Variants in ABCC12 observed in about 807,000 individuals in gnomAD.
ABCC12 encodes the protein ATP binding cassette subfamily C member 12, also known as ATP-binding cassette sub-family C member 12.
ABCC12 carries 142 observed loss-of-function variants against 151.1 expected under a neutral mutation model. The ratio of observed to expected loss-of-function variants is 0.94; its 90% CI spans 0.82 to 1.08. The LOEUF is 1.08. Among genes scored for constraint, ABCC12 ranks in the 50% least tolerant of loss-of-function variants. The probability of loss-of-function intolerance (pLI) is 0.00; values close to 1 mark genes in which losing one functional copy is unlikely to be tolerated. For missense variants in ABCC12, 1,638 were observed against 1,691.1 expected (o/e 0.97, Z 0.55); for synonymous variants, 645 against 646.4 (o/e 1.00, Z 0.03).
intron 15 of ABCC12, among the ~76,000 whole-genome samples, chr16:48,113,253 G>T (rs1277658614): frequency 6.6e-6 from 1 of 152,162 alleles, no homozygotes; most frequent in Admixed American, 6.5e-5. Flanking sequence ...TAACAGCTTG[G>T]ACAGCTCCAG....
Position 48,088,661 on chromosome 16 carries a change from A to C in ABCC12, c.3359T>G (p.Ile1120Ser). ...TCTCATCTGATAGTCTCTGAAGGTG[A>C]TCTCCCCACGGCTGGGCCAGTCCTT... ...CPKDWPSRGEITFRDYQMRYR... is the reference protein window; with the variant it reads ...CPKDWPSRGESTFRDYQMRYR... The change falls in exon 26 of 31, where the codon ATC (isoleucine) becomes AGC (serine). Residue 1120 changes from isoleucine to serine, a missense_variant. Coordinates refer to ENST00000311303, the MANE Select transcript of ABCC12 (RefSeq NM_001393797.1). The C allele has an allele frequency of 6.2e-7, 1 of 1,614,150 alleles. No individual in the cohort carries two copies. Among genetic ancestry groups the C allele is most frequent in the Non-Finnish European group, 8.5e-7 (1 of 1,180,020 alleles).
intron 4 of ABCC12, among the ~76,000 whole-genome samples, chr16:48,143,559 C>T (rs753169723): frequency 8.5e-5 from 13 of 152,314 alleles, no homozygotes; most frequent in Non-Finnish European, 1.5e-4. Context: ...CCACCCAAAT[C>T]TCATCTTGAA....
chr16:48,120,658 CA>C (rs1186443583), intron 13 of ABCC12, among the ~76,000 whole-genome samples: 2 of 151,480 alleles, frequency 1.3e-5, no homozygotes, highest in African/African-American at 4.9e-5. Flanking sequence ...CGGGTTCAAG[CA>C]ATTCTCCTGC....
chr16:48,137,629 A>G (rs897780759), intron 8 of ABCC12, among the ~76,000 whole-genome samples: 4 of 152,210 alleles, frequency 2.6e-5, no homozygotes, highest in Non-Finnish European at 4.4e-5. Flanking sequence ...CAGACAGTCA[A>G]TTGTAACAGT....
chr16:48,118,979 TG>T (rs1157145352), intron 13 of ABCC12, among the ~76,000 whole-genome samples: 1 of 152,190 alleles, frequency 6.6e-6, no homozygotes, highest in Non-Finnish European at 1.5e-5. Context: ...TCTCCATCAG[TG>T]GGGGCTATAA....
Position 48,140,788 on chromosome 16 carries a change from T to A in ABCC12, c.556A>T (p.Ile186Phe), listed in dbSNP as rs368065021. ...AACCGGATGGCCGTGCGGTAGTTGATGGCCCAGGCAAGGGCCCAAAAGAAG... is the reference window on the plus strand; with the variant it reads ...AACCGGATGGCCGTGCGGTAGTTGAAGGCCCAGGCAAGGGCCCAAAAGAAG... Reference protein sequence around the residue: ...KVFFWALAWAINYRTAIRLKV... With the variant: ...KVFFWALAWAFNYRTAIRLKV... The change falls in exon 6 of 31, where the codon ATC becomes TTC. Residue 186 changes from isoleucine (I) to phenylalanine (F), a missense_variant. Coordinates refer to ENST00000311303, the MANE Select transcript of ABCC12 (RefSeq NM_001393797.1). 6.2e-7 allele frequency: 1 copy of A among 1,614,076 alleles called. No individual in the cohort carries two copies. The highest frequency in any genetic ancestry group is 8.5e-7 in the Non-Finnish European group (1 of 1,180,044).
chr16:48,105,245 G>A lies in ABCC12; in HGVS notation c.2567C>T (p.Thr856Ile), dbSNP rs139979809. The A allele has an allele frequency of 1.5e-5, 24 of 1,614,054 alleles. No individual in the cohort carries two copies. The highest frequency in any genetic ancestry group is 2.0e-5 in the Non-Finnish European group (24 of 1,180,048). ...CACCAGCATGAACACCATGCTTGCAGTGTACACCCACTGGTACACATGCTG... is the reference window on the plus strand; with the variant it reads ...CACCAGCATGAACACCATGCTTGCAATGTACACCCACTGGTACACATGCTG... ...IGQHVYQWVY[T>I]ASMVFMLVFG... Residue 856 changes from threonine to isoleucine, a missense_variant, in exon 21 of 31, where the codon ACT becomes ATT. Transcript: ENST00000311303.
intron 23 of ABCC12, among the ~76,000 whole-genome samples, chr16:48,099,821 G>C (rs560949083): frequency 6.6e-6 from 1 of 152,326 alleles, no homozygotes; most frequent in East Asian, 1.9e-4. Flanking sequence ...CTATGCCTGA[G>C]TGTGGAGTAC....
At chr16:48,139,979 C>G (rs989718456) in intron 6 of ABCC12, among the ~76,000 whole-genome samples, 3 of 152,168 alleles carry the variant, frequency 2.0e-5, no homozygotes, top group Non-Finnish European at 2.9e-5. Flanking sequence ...CTGTGCCAAC[C>G]CTGCATTATT....
At chr16:48,118,136 G>C (rs1047536394) in intron 13 of ABCC12, among the ~76,000 whole-genome samples, 2 of 152,156 alleles carry the variant, frequency 1.3e-5, no homozygotes, top group Non-Finnish European at 2.9e-5. Context: ...GCAAAGCTGT[G>C]GGGTCAGCCC....
intron 8 of ABCC12, among the ~76,000 whole-genome samples, chr16:48,135,634 T>C (rs1964583646): frequency 6.6e-6 from 1 of 152,104 alleles, no homozygotes; most frequent in Admixed American, 6.5e-5. Context: ...AATCCTCCCA[T>C]GAGGTCCAGA....
Position 48,087,957 on chromosome 16 carries a change from G to A in ABCC12, c.3604C>T (p.Gln1202Ter), listed in dbSNP as rs777611152. The A allele has an allele frequency of 1.5e-5, 24 of 1,614,174 alleles. No homozygotes were observed. In the East Asian group the frequency reaches 5.3e-4, roughly 36 times the overall value. Residue 1202 changes from glutamine (Q) to a stop codon, truncating the protein, a stop_gained, in exon 27 of 31, where the codon CAG becomes TAG. Coordinates refer to ENST00000311303, the MANE Select transcript of ABCC12 (RefSeq NM_001393797.1). LOFTEE classifies it high-confidence loss of function. ...GTACCTACAAACAGGACAGGATCCT[G>A]TGGGATCACAGTCAGCTTGGTTCTG... ...DLRTKLTVIP[Q>*]DPVLFVGTVR...
chr16:48,123,817 A>C (rs1411940111), intron 12 of ABCC12, among the ~76,000 whole-genome samples: 1 of 152,210 alleles, frequency 6.6e-6, no homozygotes, highest in Non-Finnish European at 1.5e-5. Flanking sequence ...CAGGCATAAA[A>C]TACATCTATA....
intron 3 of ABCC12, among the ~76,000 whole-genome samples, chr16:48,144,639 G>A (rs1964938360): frequency 6.6e-6 from 1 of 151,992 alleles, no homozygotes; most frequent in African/African-American, 2.4e-5. Flanking sequence ...TGACGCTGAG[G>A]CCACACCTCA....
intron 2 of ABCC12, among the ~76,000 whole-genome samples, chr16:48,150,763 T>C (rs996911657): frequency 1.3e-5 from 2 of 152,216 alleles, no homozygotes; most frequent in African/African-American, 2.4e-5. Flanking sequence ...AATATATGTA[T>C]GCATATTAAC....
intron 14 of ABCC12, among the ~76,000 whole-genome samples, chr16:48,116,142 G>A (rs888116268): frequency 1.3e-5 from 2 of 152,170 alleles, no homozygotes; most frequent in Non-Finnish European, 2.9e-5. Flanking sequence ...CCTAAGGCCT[G>A]GCACCATGCT....
chr16:48,126,017 C>T (rs567429499), intron 11 of ABCC12, among the ~76,000 whole-genome samples: 1 of 152,322 alleles, frequency 6.6e-6, no homozygotes, highest in East Asian at 1.9e-4. Context: ...TGACTTCCCC[C>T]ATGCTGCATT....
At position 48,111,469 on chromosome 16, in the gene ABCC12, A is replaced by C. The variant is rs753095304; in HGVS notation, c.2248T>G (p.Ser750Ala). Reference sequence around the variant, plus strand: ...TCTACAAATTCTGAGCCTGTTTCAGATTCTTTTCCTTCATCTTTCTCATTT... The same window carrying C: ...TCTACAAATTCTGAGCCTGTTTCAGCTTCTTTTCCTTCATCTTTCTCATTT... ...PGNEKDEGKESETGSEFVDTK... is the reference protein window; with the variant it reads ...PGNEKDEGKEAETGSEFVDTK... The change falls in exon 18 of 31, where the codon TCT (serine) becomes GCT (alanine). Residue 750 changes from serine (S) to alanine (A), a missense_variant. Transcript: ENST00000311303. 10 of 1,614,068 alleles carry C rather than the reference A, an allele frequency of 6.2e-6. No homozygotes were observed. The highest frequency in any genetic ancestry group is 1.7e-5 in the Admixed American group (1 of 59,996).
chr16:48,102,323 A>G (rs1963335637), intron 22 of ABCC12, among the ~76,000 whole-genome samples: 1 of 152,236 alleles, frequency 6.6e-6, no homozygotes, highest in Non-Finnish European at 1.5e-5. Context: ...GCCAATGGGA[A>G]ACCTCTAGAG....
Sources: allele counts gnomAD v4.1 joint callset (sites outside exome capture counted in the v4.1 genomes callset), GRCh38; gene constraint gnomAD v4.1.1; transcripts MANE v1.5; gene names NCBI Gene and HGNC (gene_info 2026-07-23, HGNC 2026-07-21).